ANTXR1: variants seen among roughly 807,000 people sequenced by gnomAD.
ANTXR1 encodes anthrax toxin receptor 1.
In ANTXR1, 19 loss-of-function variants were observed where a neutral mutation model predicts 78.1. That is an observed-to-expected ratio of 0.24 (90% CI 0.17 to 0.36). The LOEUF is 0.36. Ranked by LOEUF, ANTXR1 falls within the 10% of genes least tolerant of loss-of-function variation. The probability of loss-of-function intolerance (pLI) is 1.00; values close to 1 mark genes in which losing one functional copy is unlikely to be tolerated. For missense variants in ANTXR1, 518 were observed against 718.6 expected, an observed-to-expected ratio of 0.72 and a Z score of 3.19; for synonymous variants, 273 against 260.5, an observed-to-expected ratio of 1.05 and a Z score of -0.46.
At chr2:69,241,587 A>C (rs1231862936) in intron 17 of ANTXR1, among the ~76,000 whole-genome samples, 1 of 152,148 alleles carries the variant, frequency 6.6e-6, no homozygotes, top group African/African-American at 2.4e-5. Context: ...GAGAGAACAA[A>C]CATAAGAGTG....
intron 6 of ANTXR1, among the ~76,000 whole-genome samples, chr2:69,074,347 CAAAT>C: frequency 6.6e-6 from 1 of 152,104 alleles, no homozygotes. Context: ...AAATAACAGT[CAAAT>C]AAAGTAAAAA....
intron 1 of ANTXR1, among the ~76,000 whole-genome samples, chr2:69,016,082 T>C (rs1458486345): frequency 6.6e-6 from 1 of 152,142 alleles, no homozygotes; most frequent in Non-Finnish European, 1.5e-5. Flanking sequence ...CTAGGGAAAA[T>C]GTAAATTGGT....
At chr2:69,084,914 G>T (rs993177492) in intron 8 of ANTXR1, among the ~76,000 whole-genome samples, 9 of 146,412 alleles carry the variant, frequency 6.1e-5, no homozygotes, top group Middle Eastern at 3.5e-3. Context: ...GTGCAGTGGC[G>T]CTATCTCGGC....
chr2:69,057,411 A>G (rs898495518), intron 3 of ANTXR1, among the ~76,000 whole-genome samples: 7 of 152,186 alleles, frequency 4.6e-5, no homozygotes, highest in Admixed American at 3.9e-4. Context: ...ATATGTCTGT[A>G]TGTCACATTT....
intron 10 of ANTXR1, among the ~76,000 whole-genome samples, chr2:69,115,181 A>G (rs1672102893): frequency 6.6e-6 from 1 of 152,236 alleles, no homozygotes; most frequent in South Asian, 2.1e-4. Context: ...AGGCATTGCT[A>G]GTTGCCCCTT....
intron 8 of ANTXR1, among the ~76,000 whole-genome samples, chr2:69,085,207 T>C (rs11685942): frequency 0.73 from 111,135 of 152,040 alleles, 41,588 homozygotes; most frequent in African/African-American, 0.89. Flanking sequence ...GCTGTAATAA[T>C]GTTTGTGGCG....
At chr2:69,105,335 CT>C (rs1671773827) in intron 10 of ANTXR1, among the ~76,000 whole-genome samples, 1 of 152,178 alleles carries the variant, frequency 6.6e-6, no homozygotes, top group Non-Finnish European at 1.5e-5. Context: ...AAACCCGTGC[CT>C]TTAGCACAAT....
chr2:69,134,393 T>C (rs1315685403), intron 12 of ANTXR1, among the ~76,000 whole-genome samples: 2 of 152,150 alleles, frequency 1.3e-5, no homozygotes, highest in Non-Finnish European at 2.9e-5. Flanking sequence ...TAGAATAGGC[T>C]CAAAGGAACA....
intron 12 of ANTXR1, among the ~76,000 whole-genome samples, chr2:69,141,122 C>T (rs1226869412): frequency 1.3e-5 from 2 of 152,180 alleles, no homozygotes; most frequent in African/African-American, 4.8e-5. Flanking sequence ...TCTGGGACCA[C>T]CCACTAACAC....
At chr2:69,061,717 G>A (rs1484353708) in intron 3 of ANTXR1, among the ~76,000 whole-genome samples, 2 of 152,190 alleles carry the variant, frequency 1.3e-5, no homozygotes, top group African/African-American at 4.8e-5. Flanking sequence ...AAATAGGTCA[G>A]TAGCTAGAGG....
At chr2:69,045,125 G>A (rs1005300902) in intron 3 of ANTXR1, among the ~76,000 whole-genome samples, 9 of 152,062 alleles carry the variant, frequency 5.9e-5, no homozygotes, top group Admixed American at 5.9e-4. Context: ...CATATTATTG[G>A]GGGACTATAT....
chr2:69,035,606 C>G (rs1336979993), intron 1 of ANTXR1, among the ~76,000 whole-genome samples: 1 of 152,148 alleles, frequency 6.6e-6, no homozygotes, highest in Non-Finnish European at 1.5e-5. Flanking sequence ...ATTGAGGAGG[C>G]AGGCTATGTA....
intron 9 of ANTXR1, among the ~76,000 whole-genome samples, chr2:69,091,960 A>G (rs928982441): frequency 9.9e-5 from 15 of 152,100 alleles, no homozygotes; most frequent in Non-Finnish European, 1.9e-4. Flanking sequence ...CTCTTCTTTC[A>G]TTCATTTGAA....
chr2:69,159,599 C>T (rs1673622704), intron 13 of ANTXR1, among the ~76,000 whole-genome samples: 1 of 151,864 alleles, frequency 6.6e-6, no homozygotes. Flanking sequence ...GTTAAAACAC[C>T]ACACTATTTA....
intron 9 of ANTXR1, among the ~76,000 whole-genome samples, chr2:69,091,669 T>G (rs1671244033): frequency 6.6e-6 from 1 of 152,140 alleles, no homozygotes; most frequent in Non-Finnish European, 1.5e-5. Context: ...AAGTTTTTAG[T>G]TGGATGCTGG....
intron 9 of ANTXR1, among the ~76,000 whole-genome samples, chr2:69,100,222 T>C (rs1282658810): frequency 6.6e-6 from 1 of 152,230 alleles, no homozygotes; most frequent in African/African-American, 2.4e-5. Context: ...GCAGATTCAT[T>C]CGAAAGGGTT....
intron 1 of ANTXR1, among the ~76,000 whole-genome samples, chr2:69,018,232 C>T (rs1224376233): frequency 6.6e-6 from 1 of 152,124 alleles, no homozygotes; most frequent in Non-Finnish European, 1.5e-5. Flanking sequence ...TGCTCCTTCC[C>T]CGTAAGACCT....
At chr2:69,175,599 G>T (rs745668563) in intron 14 of ANTXR1, among the ~76,000 whole-genome samples, 1 of 152,134 alleles carries the variant, frequency 6.6e-6, no homozygotes, top group Non-Finnish European at 1.5e-5. Context: ...ACTCTAGCCT[G>T]GGCAACAGAG....
At chr2:69,163,920 G>A (rs769425919) in intron 13 of ANTXR1, among the ~76,000 whole-genome samples, 7 of 152,190 alleles carry the variant, frequency 4.6e-5, no homozygotes, top group Non-Finnish European at 7.3e-5. Flanking sequence ...GACGAAAAAT[G>A]TACATTACCT....
Sources: gnomAD v4.1 joint callset for allele counts (sites outside exome capture counted in the v4.1 genomes callset) on GRCh38, gnomAD v4.1.1 for gene constraint, MANE v1.5 for transcripts, NCBI Gene and HGNC (gene_info 2026-07-23, HGNC 2026-07-21) for gene names.